ZFPM1: variants seen among roughly 807,000 people sequenced by gnomAD.
The protein encoded by ZFPM1 is zinc finger protein ZFPM1.
A neutral mutation model predicts 46.3 loss-of-function variants in ZFPM1; 28 were observed. The ratio of observed to expected loss-of-function variants is 0.60; its 90% CI spans 0.45 to 0.83. ZFPM1 has a LOEUF of 0.83. ZFPM1 is among the 40% of genes least tolerant of loss of function. The pLI, the probability that ZFPM1 is intolerant of heterozygous loss-of-function variation, is 0.00. For synonymous variants in ZFPM1, 957 were observed against 675.9 expected (o/e 1.42, Z -6.45); for missense variants, 1,878 against 1,432.4 (o/e 1.31, Z -5.02).
At chr16:88,465,649 G>C (rs891833162) in intron 1 of ZFPM1, among the ~76,000 whole-genome samples, 3 of 152,238 alleles carry the variant, frequency 2.0e-5, no homozygotes, top group Non-Finnish European at 4.4e-5. Context: ...AGCTGGGGAG[G>C]GGGAGGGGCT....
chr16:88,527,075 C>G (rs72807428), intron 5 of ZFPM1, among the ~76,000 whole-genome samples, 159 bp downstream of exon 5: 12,664 of 150,350 alleles, frequency 0.084, 642 homozygotes, highest in South Asian at 0.16. Context: ...GGCAGACACT[C>G]TACTGGGACC....
Position 88,485,993 on chromosome 16 carries a change from A to T in ZFPM1, c.95A>T (p.His32Leu), listed in dbSNP as rs1426478279. The T allele has an allele frequency of 6.2e-7, 1 of 1,612,940 alleles. No homozygotes were observed. Among genetic ancestry groups the T allele is most frequent in the Non-Finnish European group, 8.5e-7 (1 of 1,179,944 alleles). Reference sequence around the variant, plus strand: ...GAGGTGCAGTTGGTGGGTGCCAGCCACATGGAGCAAAAGGCCACGGCACCT... The same window carrying T: ...GAGGTGCAGTTGGTGGGTGCCAGCCTCATGGAGCAAAAGGCCACGGCACCT... ...REEVQLVGASHMEQKATAPEA... is the reference protein window; with the variant it reads ...REEVQLVGASLMEQKATAPEA... The change falls in exon 2 of 10, where the codon CAC becomes CTC. Residue 32 changes from histidine to leucine, a missense_variant. By Grantham distance (99) the His-to-Leu change is moderately conservative. Coordinates refer to ENST00000319555, the MANE Select transcript of ZFPM1 (RefSeq NM_153813.3).
chr16:88,468,834 C>T (rs55823018), intron 1 of ZFPM1: 60,708 of 152,150 alleles, frequency 0.4, 12,999 homozygotes, highest in East Asian at 0.57. Flanking sequence ...CCAGGGGCTG[C>T]CCTTGACCTG....
rs1912947879 is a variant in ZFPM1, at chr16:88,533,274, G to A, written c.1316G>A (p.Gly439Glu). 1.4e-6 allele frequency: 2 copies of A among 1,452,964 alleles called. No individual in the cohort carries two copies. Among genetic ancestry groups the A allele is most frequent in the Admixed American group, 2.4e-5 (1 of 41,424 alleles). 90.0% of individuals were successfully genotyped at this position (1,452,964 alleles called of 1,614,324 possible). The stretch of plus-strand genomic sequence containing the variant: ...AAGGCCCTGGCCGAGGCCACCAACG[G>A]AGAGGCCAGAGCGGAGCCTCTGGCC... The part of the protein sequence containing the change: ...DRKALAEATN[G>E]EARAEPLAQN... Residue 439 changes from glycine to glutamate, a missense_variant, in exon 10 of 10, where the codon GGA (glycine) becomes GAA (glutamate). Transcript: ENST00000319555.
In ZFPM1 at chr16:88,533,181, C is replaced by A. The variant is rs1163064052; in HGVS notation, c.1223C>A (p.Ala408Asp). ...SLGSFQQQHT[A>D]LQGPLASADL... is the part of the protein sequence containing the mutation. ...GGCAGCTTCCAGCAGCAGCACACGG[C>A]CCTGCAAGGCCCCCTGGCCTCCGCG... The change falls in exon 10 of 10, where the codon GCC becomes GAC. Residue 408 changes from alanine to aspartate, a missense_variant. Coordinates refer to ENST00000319555, the MANE Select transcript of ZFPM1 (RefSeq NM_153813.3). 6.6e-7 allele frequency: 1 copy of A among 1,526,000 alleles called. No homozygotes were observed. The highest frequency in any genetic ancestry group is 1.3e-5 in the South Asian group (1 of 78,942). The allele number at this position is 1,526,000 out of a possible 1,614,324, so 94.5% of individuals were successfully genotyped here.
intron 3 of ZFPM1, among the ~76,000 whole-genome samples, chr16:88,498,329 T>C (rs1186468099): frequency 6.6e-6 from 1 of 152,208 alleles, no homozygotes; most frequent in Non-Finnish European, 1.5e-5. Flanking sequence ...CTGAGCACTT[T>C]GGGGCCAGGC....
intron 3 of ZFPM1, among the ~76,000 whole-genome samples, chr16:88,506,999 T>C (rs774989871): frequency 2.0e-5 from 3 of 152,230 alleles, no homozygotes; most frequent in Non-Finnish European, 4.4e-5. Flanking sequence ...GAGTGAGGGC[T>C]ACGGTCCTGC....
intron 1 of ZFPM1, among the ~76,000 whole-genome samples, chr16:88,460,922 C>CGGGAGGCCTGGTGAGGACCCA (rs1907796388): frequency 3.7e-5 from 1 of 27,194 alleles, no homozygotes; most frequent in African/African-American, 1.1e-4. Context: ...GACCGAGGGG[C>CGGGAGGCCTGGTGAGGACCCA]GGGGCGGGAG....
At chr16:88,454,914 G>A (rs1315726721) in intron 1 of ZFPM1, among the ~76,000 whole-genome samples, 1 of 152,204 alleles carries the variant, frequency 6.6e-6, no homozygotes, top group East Asian at 1.9e-4. Flanking sequence ...TGCGGGGCCT[G>A]TGGGAGCTTC....
intron 6 of ZFPM1, 78 bp from the exon 7 acceptor site, chr16:88,531,924 G>T: frequency 7.1e-7 from 1 of 1,415,664 alleles, no homozygotes; most frequent in Non-Finnish European, 9.6e-7. Flanking sequence ...TCACGGCCAG[G>T]CCCTGCCTCC....
chr16:88,458,400 C>G (rs193016869), intron 1 of ZFPM1, among the ~76,000 whole-genome samples: 1 of 152,226 alleles, frequency 6.6e-6, no homozygotes, highest in East Asian at 1.9e-4. Flanking sequence ...CTGCCGTCAG[C>G]CCCGCCAGCC....
chr16:88,493,353 C>CG (rs1439304600), intron 3 of ZFPM1, among the ~76,000 whole-genome samples: 3 of 141,754 alleles, frequency 2.1e-5, no homozygotes. Context: ...AGACCTGTCC[C>CG]GGGGTGGGGA....
In ZFPM1 at chr16:88,471,862, G is replaced by A. The variant is rs1241809776; in HGVS notation, c.41-14077G>A. 6.6e-6 allele frequency among the ~76,000 whole-genome samples: 1 copy of A among 152,260 alleles called. No individual in the cohort carries two copies. Among genetic ancestry groups the A allele is most frequent in the South Asian group, 2.1e-4 (1 of 4,838 alleles). ...CGGGCTGGGAGGGCTCTGGGCCTCC[G>A]GCTGGCTGTGCACCATGTTCCACTG... On this transcript the variant is annotated intron_variant, in intron 1 of 9. Coordinates refer to ENST00000319555, the MANE Select transcript of ZFPM1 (RefSeq NM_153813.3). This position sits in a 1 kb window ranked among gnomAD's most constrained non-coding sequence, Gnocchi z 4.1.
chr16:88,470,035 T>C (rs1251229884), intron 1 of ZFPM1, among the ~76,000 whole-genome samples: 1 of 152,102 alleles, frequency 6.6e-6, no homozygotes, highest in African/African-American at 2.4e-5. Flanking sequence ...CCAGCTGATT[T>C]CTGGATCTGC....
intron 3 of ZFPM1, among the ~76,000 whole-genome samples, chr16:88,496,977 G>T (rs1175428892): frequency 6.6e-6 from 1 of 152,120 alleles, no homozygotes; most frequent in Non-Finnish European, 1.5e-5. Flanking sequence ...GCCTGTGGGT[G>T]GGGGGCTGCC....
chr16:88,532,554 T>G, intron 7 of ZFPM1, 60 bp from the exon 8 acceptor site: 1 of 1,516,192 alleles, frequency 6.6e-7, no homozygotes, highest in South Asian at 1.2e-5. Context: ...GCCTTCCTCA[T>G]CCCTGGAGTC....
At chr16:88,456,118 G>A (rs1316621357) in intron 1 of ZFPM1, among the ~76,000 whole-genome samples, 4 of 152,242 alleles carry the variant, frequency 2.6e-5, no homozygotes, top group African/African-American at 9.6e-5. Context: ...TGGTCTGTCT[G>A]GGGGAGTTTT....
intron 3 of ZFPM1, among the ~76,000 whole-genome samples, chr16:88,512,202 G>A (rs561554626): frequency 1.6e-3 from 242 of 152,330 alleles, no homozygotes; most frequent in Admixed American, 3.7e-3. Flanking sequence ...CTCGTGGGCC[G>A]GGTAGGGTGG....
chr16:88,534,207 A>C lies in ZFPM1; in HGVS notation c.2249A>C (p.His750Pro). 3 of 974,332 alleles carry C rather than the reference A, an allele frequency of 3.1e-6. No individual in the cohort carries two copies. The highest frequency in any genetic ancestry group is 3.6e-6 in the Non-Finnish European group (3 of 828,238). 60.4% of individuals were successfully genotyped at this position (974,332 alleles called of 1,614,324 possible). The change falls in exon 10 of 10, where the codon CAC (histidine) becomes CCC (proline). Residue 750 changes from histidine to proline, a missense_variant. Physicochemically the swap from His to Pro is moderately conservative, Grantham distance 77 (BLOSUM62 -2). Transcript: ENST00000319555. ...AGACGCCGCAAGCTCTACGAGCTGCACGCGGCCGGCGCCCCGCCCCCCCCG... is the reference window on the plus strand; with the variant it reads ...AGACGCCGCAAGCTCTACGAGCTGCCCGCGGCCGGCGCCCCGCCCCCCCCG... ...TRRRRKLYELHAAGAPPPPPP... is the reference protein window; with the variant it reads ...TRRRRKLYELPAAGAPPPPPP...
Sources: gnomAD v4.1 joint callset for allele counts (sites outside exome capture counted in the v4.1 genomes callset) on GRCh38, gnomAD v4.1.1 for gene constraint, Gnocchi (gnomAD v3.1) non-coding constraint, MANE v1.5 for transcripts, NCBI Gene and HGNC (gene_info 2026-07-23, HGNC 2026-07-21) for gene names.